The following SRFBP1 variants were observed in gnomAD, a reference collection of about 807,000 sequenced individuals.
SRFBP1 encodes the protein serum response factor binding protein 1, also known as serum response factor-binding protein 1.
A neutral mutation model predicts 45.5 loss-of-function variants in SRFBP1; 47 were observed. The observed-to-expected ratio is 1.03, with a 90% CI of 0.82 to 1.32. The LOEUF is 1.32. SRFBP1 is among the 40% of genes most tolerant of loss of function. SRFBP1 has a pLI of 0.00. For missense variants in SRFBP1, 621 were observed against 484.6 expected, an observed-to-expected ratio of 1.28 and a Z score of -2.64; for synonymous variants, 203 against 166.3, an observed-to-expected ratio of 1.22 and a Z score of -1.70.
chr5:122,010,932 A>C (rs191918143), intron 4 of SRFBP1, among the ~76,000 whole-genome samples: 1 of 152,232 alleles, frequency 6.6e-6, no homozygotes, highest in African/African-American at 2.4e-5. Flanking sequence ...TGATAATATA[A>C]TTGAGACTTT....
intron 2 of SRFBP1, among the ~76,000 whole-genome samples, chr5:122,043,727 T>C (rs1246463079): frequency 1.3e-5 from 2 of 152,180 alleles, no homozygotes; most frequent in African/African-American, 4.8e-5. Flanking sequence ...ACTTTTTTTG[T>C]AACAGATGAG....
chr5:122,000,687 T>G (rs1019005749), intron 4 of SRFBP1, among the ~76,000 whole-genome samples: 7 of 152,146 alleles, frequency 4.6e-5, no homozygotes, highest in Admixed American at 6.5e-5. Flanking sequence ...CCACTCCAAA[T>G]TGACTATAAG....
At chr5:122,036,356 C>T (rs923196393) in intron 2 of SRFBP1, among the ~76,000 whole-genome samples, 5 of 151,884 alleles carry the variant, frequency 3.3e-5, no homozygotes, top group Non-Finnish European at 5.9e-5. Flanking sequence ...AACCATAGAC[C>T]CCAAGGATCA....
At chr5:121,976,213 C>A (rs1395608468) in intron 3 of SRFBP1, among the ~76,000 whole-genome samples, 2 of 151,776 alleles carry the variant, frequency 1.3e-5, no homozygotes, top group African/African-American at 4.8e-5. Flanking sequence ...TTTAATAGGA[C>A]AAAGTTATCC....
At chr5:122,060,297 A>G (rs1000740658) in intron 2 of SRFBP1, among the ~76,000 whole-genome samples, 3 of 151,484 alleles carry the variant, frequency 2.0e-5, no homozygotes, top group Non-Finnish European at 4.4e-5. Context: ...TGATTTTATT[A>G]ATCTTTTTGC....
intron 2 of SRFBP1, among the ~76,000 whole-genome samples, chr5:122,042,992 A>G (rs934600556): frequency 4.6e-5 from 7 of 152,148 alleles, no homozygotes; most frequent in African/African-American, 1.7e-4. Context: ...TGCTTAAAAC[A>G]GTCAATATTC....
chr5:122,005,385 A>G (rs11959530), intron 4 of SRFBP1, among the ~76,000 whole-genome samples: 5,539 of 152,022 alleles, frequency 0.036, 347 homozygotes, highest in African/African-American at 0.13. Flanking sequence ...TGACCCCTTT[A>G]TCTATATAGT....
intron 2 of SRFBP1, among the ~76,000 whole-genome samples, chr5:122,034,955 T>G (rs1753663760): frequency 6.6e-6 from 1 of 152,070 alleles, no homozygotes; most frequent in African/African-American, 2.4e-5. Flanking sequence ...TTTCCAGGAG[T>G]GTCTGTTGCC....
intron 3 of SRFBP1, among the ~76,000 whole-genome samples, chr5:121,993,323 A>G (rs1752654165): frequency 6.6e-6 from 1 of 152,154 alleles, no homozygotes; most frequent in South Asian, 2.1e-4. Context: ...CTCAGCTCAT[A>G]TAAATCATGC....
intron 1 of SRFBP1, among the ~76,000 whole-genome samples, chr5:121,971,355 C>G (rs1039144748): frequency 6.6e-6 from 1 of 151,794 alleles, no homozygotes; most frequent in Non-Finnish European, 1.5e-5. Context: ...CTTGGAGATT[C>G]ATTGTGAAGG....
At position 122,007,801 on chromosome 5, in the gene SRFBP1, C is replaced by T. The variant is rs1407564792; in HGVS notation, c.271-11459C>T. ...GGCAGGTTTGGAGCCTGTCTCTGCA[C>T]GTGCCTGCCTGGTGTTTGTGTCCAA... On this transcript the variant is annotated intron_variant, in intron 4 of 7. Transcript: ENST00000339397. 1.1e-4 allele frequency among the ~76,000 whole-genome samples: 17 copies of T among 152,006 alleles called. 1 individual carries two copies. The highest frequency in any genetic ancestry group is 8.5e-4 in the Admixed American group (13 of 15,274).
downstream of SRFBP1, among the ~76,000 whole-genome samples, chr5:122,029,793 AGTT>A (rs952980867): frequency 2.0e-5 from 3 of 152,070 alleles, no homozygotes; most frequent in Non-Finnish European, 4.4e-5. Flanking sequence ...GCAATTTCCT[AGTT>A]GTTTAATATA....
At chr5:122,077,520 T>C (rs759012419), downstream of SRFBP1, 2 of 1,613,772 alleles carry the variant, frequency 1.2e-6, no homozygotes, top group East Asian at 4.5e-5. This position sits in a 1 kb window ranked among gnomAD's most constrained non-coding sequence, Gnocchi z 4.9. Context: ...GGCCGCAGGT[T>C]ACTGAGCGCA....
At chr5:121,964,723 G>T (rs891606435) in intron 1 of SRFBP1, among the ~76,000 whole-genome samples, 2 of 152,120 alleles carry the variant, frequency 1.3e-5, no homozygotes, top group Non-Finnish European at 2.9e-5. Flanking sequence ...TGGGATTGCT[G>T]GGTCAAATGG....
chr5:122,070,120 T>C, intron 2 of SRFBP1: 1 of 1,613,352 alleles, frequency 6.2e-7, no homozygotes, highest in Non-Finnish European at 8.5e-7. Flanking sequence ...CGCACAACAT[T>C]GTTGGTATAG....
At chr5:122,022,259 A>G (rs1301164753) in intron 6 of SRFBP1, 111 bp from the exon 7 acceptor site, 1 of 776,712 alleles carries the variant, frequency 1.3e-6, no homozygotes, top group African/African-American at 1.8e-5. Context: ...GGTGTGACTA[A>G]GGAGTATAGT....
At chr5:121,967,506 C>T (rs1385078985) in intron 1 of SRFBP1, among the ~76,000 whole-genome samples, 4 of 152,114 alleles carry the variant, frequency 2.6e-5, no homozygotes, top group Admixed American at 1.3e-4. Flanking sequence ...AATAAGTTAT[C>T]ATCCATATGA....
At chr5:122,065,969 A>T (rs1754289062) in intron 2 of SRFBP1, 1 of 152,094 alleles carries the variant, frequency 6.6e-6, no homozygotes, top group Non-Finnish European at 1.5e-5. Flanking sequence ...TAAGAATCCC[A>T]CTTACAACAT....
intron 2 of SRFBP1, chr5:122,064,150 TCAGTA>T (rs1363940876): frequency 6.6e-6 from 1 of 151,990 alleles, no homozygotes; most frequent in Non-Finnish European, 1.5e-5. Context: ...CAATCTCCTG[TCAGTA>T]CTCAACATTC....
Sources: gnomAD v4.1 joint callset for allele counts (sites outside exome capture counted in the v4.1 genomes callset) on GRCh38, gnomAD v4.1.1 for gene constraint, Gnocchi (gnomAD v3.1) non-coding constraint, MANE v1.5 for transcripts, NCBI Gene and HGNC (gene_info 2026-07-23, HGNC 2026-07-21) for gene names.